Variants in DHRS12 observed in about 807,000 individuals in gnomAD.
DHRS12 encodes dehydrogenase/reductase 12.
In DHRS12, 29 loss-of-function variants were observed where a neutral mutation model predicts 32.1. The observed-to-expected ratio is 0.90, with a 90% confidence interval of 0.67 to 1.23. DHRS12 has a LOEUF of 1.23. Ranked by LOEUF, DHRS12 falls within the 50% of genes most tolerant of loss-of-function variation. The pLI is 0.00. For missense variants in DHRS12, 330 were observed against 337.2 expected (o/e 0.98, Z 0.17); for synonymous variants, 150 against 135.9 (o/e 1.10, Z -0.72).
At chr13:51,764,072 G>A (rs1057423303), downstream of DHRS12, 2 of 152,144 alleles carry the variant, frequency 1.3e-5, no homozygotes, top group African/African-American at 2.4e-5. Flanking sequence ...TTCCTGGTAC[G>A]AAGACAGATA....
At chr13:51,766,733 A>G (rs760070710), downstream of DHRS12, 2 of 152,252 alleles carry the variant, frequency 1.3e-5, no homozygotes, top group Non-Finnish European at 2.9e-5. Context: ...GCCATTACCA[A>G]TGTACAACTC....
At chr13:51,791,282 A>C (rs751349636) in intron 2 of DHRS12, 25 bp from the exon 3 acceptor site, 16 of 1,389,178 alleles carry the variant, frequency 1.2e-5, no homozygotes, top group Admixed American at 2.5e-5. Flanking sequence ...AAAAAAAAAA[A>C]AAACCCTTTT....
At chr13:51,771,749 G>T in intron 7 of DHRS12, 72 bp downstream of exon 7, 2 of 1,559,626 alleles carry the variant, frequency 1.3e-6, no homozygotes, top group Non-Finnish European at 1.8e-6. Context: ...CCTGGGGAGA[G>T]TCAATCCTGC....
chr13:51,768,341 G>A, intron 8 of DHRS12, 45 bp from the exon 9 acceptor site: 3 of 1,534,266 alleles, frequency 2.0e-6, no homozygotes, highest in Non-Finnish European at 1.7e-6. Context: ...CTGCTGCAGC[G>A]TGGCTGGGTC....
intron 2 of DHRS12, among the ~76,000 whole-genome samples, chr13:51,798,995 C>T (rs928285350): frequency 3.3e-5 from 5 of 152,174 alleles, no homozygotes; most frequent in Admixed American, 2.0e-4. Context: ...GGGAGGGAAG[C>T]GGGAGGCTGC....
In DHRS12 at chr13:51,800,942, A is replaced by C. The variant is rs79269771; in HGVS notation, c.-8-1275T>G. On this transcript the variant is annotated intron_variant, in intron 1 of 8. Transcript: ENST00000444610. ...AGACTTCTTATTCCAAAGCCTTCCC[A>C]AAAAGGTTGACTTGAAACTTAAAAA... 9.6e-3 allele frequency among the ~76,000 whole-genome samples: 1,457 copies of C among 152,336 alleles called. 24 individuals carry two copies. Among genetic ancestry groups the C allele is most frequent in the African/African-American group, 0.033 (1,376 of 41,574 alleles).
intron 8 of DHRS12, chr13:51,768,576 C>G: frequency 3.9e-6 from 5 of 1,279,128 alleles, no homozygotes; most frequent in Non-Finnish European, 5.0e-6. Context: ...CCGGATACCC[C>G]AGGGGTCACC....
the DHRS12 span, chr13:51,759,913 C>A: frequency 2.4e-6 from 2 of 836,604 alleles, no homozygotes; most frequent in Non-Finnish European, 3.8e-6. Flanking sequence ...TACCCATGTG[C>A]ACAGTGGGGA....
At chr13:51,764,170 T>G (rs1278014987), downstream of DHRS12, 1 of 152,226 alleles carries the variant, frequency 6.6e-6, no homozygotes, top group African/African-American at 2.4e-5. Context: ...AATGTTCATG[T>G]CAACCGTGTT....
At chr13:51,790,709 G>C (rs1304065770) in intron 3 of DHRS12, among the ~76,000 whole-genome samples, 1 of 152,104 alleles carries the variant, frequency 6.6e-6, no homozygotes, top group Non-Finnish European at 1.5e-5. Context: ...GCTCCAAGTA[G>C]AGTATCTGGG....
At chr13:51,767,894 C>T (rs1953820968), downstream of DHRS12, 4 of 901,160 alleles carry the variant, frequency 4.4e-6, no homozygotes, top group East Asian at 2.5e-4. Flanking sequence ...CCTGCGTCCC[C>T]TAAGACTGAA....
At chr13:51,794,533 T>C (rs761897497) in intron 2 of DHRS12, among the ~76,000 whole-genome samples, 2 of 152,200 alleles carry the variant, frequency 1.3e-5, no homozygotes, top group Non-Finnish European at 2.9e-5. Context: ...TTTATCATGG[T>C]GTGTGATGTT....
chr13:51,791,418 T>A (rs899892260), intron 2 of DHRS12, among the ~76,000 whole-genome samples, 161 bp from the exon 3 acceptor site: 1 of 151,836 alleles, frequency 6.6e-6, no homozygotes, highest in African/African-American at 2.4e-5. Flanking sequence ...ATTGTTCAGT[T>A]TTTTGTGAAT....
chr13:51,771,560 G>A, intron 7 of DHRS12: 1 of 1,588,070 alleles, frequency 6.3e-7, no homozygotes, highest in South Asian at 1.1e-5. Flanking sequence ...AGTTAGCAGG[G>A]CGCCCCAGGC....
the DHRS12 span, chr13:51,762,834 C>T: frequency 6.6e-6 from 1 of 152,218 alleles, no homozygotes; most frequent in African/African-American, 2.4e-5. Flanking sequence ...ACATATCATA[C>T]GCAGAGTTGT....
In DHRS12 at chr13:51,782,482, A is replaced by C. The variant is rs1269258848; in HGVS notation, c.302-5361T>G. On this transcript the variant is annotated intron_variant, in intron 4 of 8. Transcript: ENST00000444610. This position sits in a 1 kb window ranked among gnomAD's most constrained non-coding sequence, Gnocchi z 4.2. Reference sequence around the variant, plus strand: ...GCCCAGTGCTGCCCATGGATGTGGTAGAGGTGCGCTCTCCAGAACCAGGAA... The same window carrying C: ...GCCCAGTGCTGCCCATGGATGTGGTCGAGGTGCGCTCTCCAGAACCAGGAA... Among the ~76,000 whole-genome samples, 7 of 152,192 alleles carry C rather than the reference A, an allele frequency of 4.6e-5. No homozygotes were observed. Among genetic ancestry groups the C allele is most frequent in the Admixed American group, 4.6e-4 (7 of 15,286 alleles).
intron 2 of DHRS12, among the ~76,000 whole-genome samples, chr13:51,794,092 C>A (rs529795613): frequency 6.6e-6 from 1 of 152,168 alleles, no homozygotes; most frequent in Non-Finnish European, 1.5e-5. Context: ...GAGAGGCTGG[C>A]AGTCTGCTGT....
At chr13:51,756,337 C>T in the DHRS12 span, 1 of 1,613,444 alleles carries the variant, frequency 6.2e-7, no homozygotes, top group Non-Finnish European at 8.5e-7. Flanking sequence ...TCCAGCACCA[C>T]TGCCGCAAGT....
At chr13:51,759,845 T>A in the DHRS12 span, 1 of 1,476,936 alleles carries the variant, frequency 6.8e-7, no homozygotes. Context: ...ACCAGAGTGG[T>A]AAAGCAGACA....
Sources: allele counts gnomAD v4.1 joint callset (sites outside exome capture counted in the v4.1 genomes callset), GRCh38; gene constraint gnomAD v4.1.1; non-coding constraint Gnocchi (gnomAD v3.1); transcripts MANE v1.5; gene names NCBI Gene and HGNC (gene_info 2026-07-23, HGNC 2026-07-21).